Variants in SMOC2 observed in about 807,000 individuals in gnomAD.
SMOC2 encodes the protein SPARC-related modular calcium-binding protein 2.
In SMOC2, 39 loss-of-function variants were observed where a neutral mutation model predicts 61.4. The ratio of observed to expected loss-of-function variants is 0.64; its 90% confidence interval spans 0.49 to 0.83. The LOEUF (loss-of-function observed/expected upper bound fraction) is 0.83. Among genes scored for constraint, SMOC2 ranks in the 40% least tolerant of loss-of-function variants. The pLI, the probability that SMOC2 is intolerant of heterozygous loss-of-function variation, is 0.00. For missense variants in SMOC2, 556 were observed against 592.9 expected, an observed-to-expected ratio of 0.94 and a Z score of 0.65; for synonymous variants, 247 against 239.9, an observed-to-expected ratio of 1.03 and a Z score of -0.27.
chr6:168,477,374 G>A (rs1782112260), intron 1 of SMOC2, among the ~76,000 whole-genome samples: 1 of 152,174 alleles, frequency 6.6e-6, no homozygotes, highest in African/African-American at 2.4e-5. Flanking sequence ...TTCAGAGCAT[G>A]AAAAGGTATA....
chr6:168,601,785 C>G (rs1785560163), intron 8 of SMOC2, among the ~76,000 whole-genome samples: 1 of 152,190 alleles, frequency 6.6e-6, no homozygotes, highest in Admixed American at 6.5e-5. Context: ...CCTGAAGAAC[C>G]TGCCAACGTC....
intron 5 of SMOC2, among the ~76,000 whole-genome samples, chr6:168,546,304 C>T (rs1783998443): frequency 6.8e-6 from 1 of 147,814 alleles, no homozygotes; most frequent in South Asian, 2.2e-4. Flanking sequence ...ACCACAGTGC[C>T]TTGTGATTGC....
In SMOC2 at chr6:168,519,659, C is replaced by G. The variant is rs1783280689; in HGVS notation, c.257-6687C>G. ...CACCAAACCCAAGGCACCGGCTCAT[C>G]AGCAGAGCAGGGGCCTCTCCGCACA... On this transcript the variant is annotated intron_variant, in intron 2 of 12. Coordinates refer to ENST00000356284, the MANE Select transcript of SMOC2 (RefSeq NM_001166412.2). 1.3e-5 allele frequency among the ~76,000 whole-genome samples: 2 copies of G among 152,156 alleles called. 1 individual carries two copies. The highest frequency in any genetic ancestry group is 4.1e-4 in the South Asian group (2 of 4,822).
intron 1 of SMOC2, among the ~76,000 whole-genome samples, chr6:168,505,345 C>T (rs1406184847): frequency 6.6e-6 from 1 of 152,034 alleles, no homozygotes; most frequent in African/African-American, 2.4e-5. Flanking sequence ...ATGTCCATCT[C>T]TCAGATGCCA....
intron 7 of SMOC2, among the ~76,000 whole-genome samples, chr6:168,592,177 G>T (rs138338609): frequency 6.6e-6 from 1 of 152,134 alleles, no homozygotes; most frequent in Non-Finnish European, 1.5e-5. Flanking sequence ...TATTTCCCTA[G>T]TTCTCTACCC....
intron 2 of SMOC2, among the ~76,000 whole-genome samples, chr6:168,513,436 GTCAT>G (rs1198235496): frequency 6.6e-6 from 1 of 151,606 alleles, no homozygotes; most frequent in African/African-American, 2.4e-5. Context: ...ATATCTTAGA[GTCAT>G]TCAATGGGAG....
At chr6:168,586,862 G>A (rs1023804927) in intron 7 of SMOC2, among the ~76,000 whole-genome samples, 2 of 152,056 alleles carry the variant, frequency 1.3e-5, no homozygotes, top group African/African-American at 4.8e-5. Flanking sequence ...AGCAGCTTTT[G>A]CTTTGCAAAT....
At chr6:168,650,659 A>G in intron 9 of SMOC2, 22 bp from the exon 10 acceptor site, 1 of 1,607,706 alleles carries the variant, frequency 6.2e-7, no homozygotes, top group Non-Finnish European at 8.5e-7. Context: ...GTTAATTATG[A>G]AAACATACAC....
At chr6:168,483,843 A>G (rs1485078769) in intron 1 of SMOC2, among the ~76,000 whole-genome samples, 2 of 152,196 alleles carry the variant, frequency 1.3e-5, no homozygotes, top group Non-Finnish European at 1.5e-5. Flanking sequence ...CGTTGGAAAG[A>G]GGACAGTCTT....
At chr6:168,536,143 G>A (rs1392719103) in intron 4 of SMOC2, among the ~76,000 whole-genome samples, 4 of 152,202 alleles carry the variant, frequency 2.6e-5, no homozygotes, top group Non-Finnish European at 4.4e-5. Context: ...GCTGGTGCTC[G>A]TGGCTGGCCC....
intron 7 of SMOC2, among the ~76,000 whole-genome samples, chr6:168,575,707 C>G (rs6455535): frequency 0.52 from 79,696 of 152,108 alleles, 22,923 homozygotes; most frequent in African/African-American, 0.78. Context: ...CTGCAGCTAA[C>G]GGACTTGCGC....
chr6:168,646,874 T>C (rs1161899264), intron 9 of SMOC2, among the ~76,000 whole-genome samples: 20 of 152,234 alleles, frequency 1.3e-4, no homozygotes, highest in Admixed American at 2.0e-4. Flanking sequence ...CTGGAGCACC[T>C]GAGGATACTT....
intron 7 of SMOC2, among the ~76,000 whole-genome samples, chr6:168,591,677 G>T (rs2115173604): frequency 6.7e-6 from 1 of 149,960 alleles, no homozygotes; most frequent in South Asian, 2.1e-4. Flanking sequence ...ATGTATGCAT[G>T]TGTGTATTAA....
chr6:168,481,909 G>A (rs1272875510), intron 1 of SMOC2, among the ~76,000 whole-genome samples: 1 of 151,560 alleles, frequency 6.6e-6, no homozygotes, highest in Admixed American at 6.6e-5. Context: ...TAGTTGTAAG[G>A]GAAAAATGTA....
chr6:168,598,674 G>T, intron 7 of SMOC2, 144 bp from the exon 8 acceptor site: 1 of 866,596 alleles, frequency 1.2e-6, no homozygotes, highest in Non-Finnish European at 1.8e-6. Flanking sequence ...CTCCTGCTGT[G>T]CCCCCCACGC....
At chr6:168,483,190 T>C (rs1318073699) in intron 1 of SMOC2, among the ~76,000 whole-genome samples, 13 of 150,934 alleles carry the variant, frequency 8.6e-5, no homozygotes, top group Non-Finnish European at 1.8e-4. Context: ...TACACACACA[T>C]ACACACACAC....
chr6:168,511,224 T>C (rs1423962225), intron 2 of SMOC2, among the ~76,000 whole-genome samples: 1 of 152,246 alleles, frequency 6.6e-6, no homozygotes, highest in Non-Finnish European at 1.5e-5. Context: ...TAGTTTGTTC[T>C]CACACTGCTA....
chr6:168,599,589 C>CCACA (rs201783944), intron 8 of SMOC2, among the ~76,000 whole-genome samples: 1,125 of 8,720 alleles, frequency 0.13, 68 homozygotes, highest in Middle Eastern at 0.5. Context: ...CCACACACAC[C>CCACA]CACACATACC....
chr6:168,518,351 TGA>T (rs1447936581), intron 2 of SMOC2, among the ~76,000 whole-genome samples: 29 of 151,032 alleles, frequency 1.9e-4, no homozygotes, highest in East Asian at 1.4e-3. Flanking sequence ...TGTGTGTGCG[TGA>T]GTGCGAATGT....
Sources: gnomAD v4.1 joint callset for allele counts (sites outside exome capture counted in the v4.1 genomes callset) on GRCh38, gnomAD v4.1.1 for gene constraint, MANE v1.5 for transcripts, NCBI Gene and HGNC (gene_info 2026-07-23, HGNC 2026-07-21) for gene names.